The following SAMD12 variants were observed in gnomAD, a reference collection of about 807,000 sequenced individuals.
The protein encoded by SAMD12 is sterile alpha motif domain-containing protein 12.
SAMD12 carries 9 observed loss-of-function variants against 15.0 expected under a neutral mutation model. That is an observed-to-expected ratio of 0.60 (90% CI 0.36 to 1.05). The LOEUF is 1.05. SAMD12 is among the 50% of genes least tolerant of loss of function. The pLI, the probability that SAMD12 is intolerant of heterozygous loss-of-function variation, is 0.01. For missense variants in SAMD12, 230 were observed against 234.2 expected, an observed-to-expected ratio of 0.98 and a Z score of 0.12; for synonymous variants, 86 against 90.1, an observed-to-expected ratio of 0.96 and a Z score of 0.25.
At chr8:118,174,338 G>A in the SAMD12 span, among the ~76,000 whole-genome samples, 58 of 152,306 alleles carry the variant, frequency 3.8e-4, no homozygotes, top group African/African-American at 1.4e-3. Flanking sequence ...GTTCAGATTT[G>A]TTGATTTTTG....
intron 4 of SAMD12, among the ~76,000 whole-genome samples, chr8:118,355,828 G>C (rs1433051852): frequency 1.3e-5 from 2 of 152,148 alleles, no homozygotes; most frequent in Non-Finnish European, 2.9e-5. Flanking sequence ...GCTGAAAACT[G>C]TCTTTAGATA....
chr8:118,168,861 A>G, the SAMD12 span, among the ~76,000 whole-genome samples: 1 of 152,230 alleles, frequency 6.6e-6, no homozygotes, highest in Admixed American at 6.5e-5. Context: ...GAAGATGTAT[A>G]TATCCAAGAA....
chr8:118,227,597 T>A (rs1285531627), intron 4 of SAMD12, among the ~76,000 whole-genome samples: 1 of 152,176 alleles, frequency 6.6e-6, no homozygotes. Flanking sequence ...TAAGTCACTT[T>A]CCTCATTGCT....
At chr8:118,175,036 A>C in the SAMD12 span, among the ~76,000 whole-genome samples, 6 of 88,984 alleles carry the variant, frequency 6.7e-5, no homozygotes, top group African/African-American at 2.3e-4. Flanking sequence ...AAAAAAAACA[A>C]AAAAAAAAAA....
rs1442248063 is a variant in SAMD12 at position 118,238,570 on chromosome 8, G to A, written c.434-40838C>T. Among the ~76,000 whole-genome samples, 5 of 152,050 alleles carry A rather than the reference G, an allele frequency of 3.3e-5. No individual in the cohort carries two copies. In the East Asian group the frequency reaches 9.6e-4, roughly 29 times the overall value. On this transcript the variant is annotated intron_variant, in intron 4 of 4. Coordinates refer to the SAMD12 transcript ENST00000409003. The stretch of plus-strand genomic sequence containing the variant: ...AAGGCTATCTCCTTGTGCTGACTCA[G>A]CTGTTGGAATGAGTAGTGAAGCTAT...
At position 118,598,516 on chromosome 8, in the gene SAMD12, C is replaced by A. The variant is rs149058644; in HGVS notation, c.14-17623G>T. On this transcript the variant is annotated intron_variant, in intron 1 of 3. Coordinates refer to ENST00000314727, the MANE Select transcript of SAMD12 (RefSeq NM_207506.3). Reference sequence around the variant, plus strand: ...ATTCAGTTTCTGTTGTTCAAGCCACCCAGTCTGTGATATTTTGTTATGGCA... The same window carrying A: ...ATTCAGTTTCTGTTGTTCAAGCCACACAGTCTGTGATATTTTGTTATGGCA... Among the ~76,000 whole-genome samples, 529 of 152,282 alleles carry A rather than the reference C, an allele frequency of 3.5e-3. 7 individuals carry two copies. The highest frequency in any genetic ancestry group is 0.012 in the African/African-American group (513 of 41,570).
At chr8:118,313,426 C>T (rs1023870156) in intron 4 of SAMD12, among the ~76,000 whole-genome samples, 1 of 152,118 alleles carries the variant, frequency 6.6e-6, no homozygotes, top group African/African-American at 2.4e-5. Context: ...TGGAGTTCCT[C>T]CAGGATGTGA....
At chr8:118,415,766 A>C (rs1222288908) in intron 3 of SAMD12, among the ~76,000 whole-genome samples, 1 of 152,140 alleles carries the variant, frequency 6.6e-6, no homozygotes, top group Non-Finnish European at 1.5e-5. Context: ...AGAGTGAGCT[A>C]TCTAATCTGC....
At chr8:118,345,040 G>A (rs1370176002) in intron 4 of SAMD12, among the ~76,000 whole-genome samples, 2 of 152,000 alleles carry the variant, frequency 1.3e-5, no homozygotes, top group Non-Finnish European at 2.9e-5. Context: ...TCACTGACTC[G>A]CTGACTCACC....
chr8:118,560,968 T>G (rs185389701), intron 2 of SAMD12, among the ~76,000 whole-genome samples: 12 of 152,306 alleles, frequency 7.9e-5, no homozygotes, highest in Admixed American at 6.5e-4. Flanking sequence ...TAAAAACTTA[T>G]TTTTCTGTAT....
At chr8:118,492,303 A>G (rs1414377090) in intron 2 of SAMD12, among the ~76,000 whole-genome samples, 1 of 152,098 alleles carries the variant, frequency 6.6e-6, no homozygotes, top group Non-Finnish European at 1.5e-5. Flanking sequence ...ATCAAAAAAA[A>G]TTGGGTTGTT....
intron 4 of SAMD12, among the ~76,000 whole-genome samples, chr8:118,287,120 A>ATTTTTTTTTT (rs202195351): frequency 7.5e-6 from 1 of 132,810 alleles, no homozygotes; most frequent in African/African-American, 3.0e-5. Flanking sequence ...GTAAGGAAGA[A>ATTTTTTTTTT]TATTTTTTTT....
At chr8:118,477,948 T>G (rs113470840) in intron 2 of SAMD12, among the ~76,000 whole-genome samples, 3,324 of 145,350 alleles carry the variant, frequency 0.023, 122 homozygotes, top group African/African-American at 0.08. Flanking sequence ...CAGGAGGTGG[T>G]GCTTGCAGTG....
intron 4 of SAMD12, among the ~76,000 whole-genome samples, chr8:118,264,222 G>A (rs1383025679): frequency 2.6e-5 from 4 of 152,002 alleles, no homozygotes; most frequent in African/African-American, 9.7e-5. Context: ...ATGTGTTTAT[G>A]TAGTACAAAT....
intron 2 of SAMD12, among the ~76,000 whole-genome samples, chr8:118,505,674 T>G (rs12541916): frequency 6.6e-6 from 1 of 150,902 alleles, no homozygotes; most frequent in Non-Finnish European, 1.5e-5. Flanking sequence ...CAGTCACGCA[T>G]TACATACTCT....
At chr8:118,375,271 G>A (rs1275745750), downstream of SAMD12, among the ~76,000 whole-genome samples, 1 of 152,130 alleles carries the variant, frequency 6.6e-6, no homozygotes, top group African/African-American at 2.4e-5. Flanking sequence ...TTGCTGTGGA[G>A]TCAGACAGAC....
chr8:118,298,606 C>T (rs990416454), intron 4 of SAMD12, among the ~76,000 whole-genome samples: 2 of 152,114 alleles, frequency 1.3e-5, no homozygotes, highest in African/African-American at 2.4e-5. Flanking sequence ...GAATTGTTTA[C>T]ACACTTTTAC....
chr8:118,514,124 G>C (rs1305024199), intron 2 of SAMD12, among the ~76,000 whole-genome samples: 1 of 152,168 alleles, frequency 6.6e-6, no homozygotes, highest in Non-Finnish European at 1.5e-5. Context: ...GCTGTATAAA[G>C]TACATGAGAT....
At chr8:118,433,442 A>C (rs1192162655) in intron 3 of SAMD12, among the ~76,000 whole-genome samples, 1 of 151,358 alleles carries the variant, frequency 6.6e-6, no homozygotes, top group Non-Finnish European at 1.5e-5. Context: ...TGATCCCATA[A>C]ATCCTTGGAA....
Sources: allele counts gnomAD v4.1 joint callset (sites outside exome capture counted in the v4.1 genomes callset), GRCh38; gene constraint gnomAD v4.1.1; transcripts MANE v1.5; gene names NCBI Gene and HGNC (gene_info 2026-07-23, HGNC 2026-07-21).